The following KIAA0586 variants were observed in gnomAD, a reference collection of about 807,000 sequenced individuals.
The protein encoded by KIAA0586 is KIAA0586.
KIAA0586 carries 144 observed loss-of-function variants against 169.8 expected under a neutral mutation model. That is an observed-to-expected ratio of 0.85 (90% CI 0.74 to 0.97). KIAA0586 has a LOEUF of 0.97. Ranked by LOEUF, KIAA0586 falls within the 50% of genes least tolerant of loss-of-function variation. The probability of loss-of-function intolerance (pLI) is 0.00; values close to 1 mark genes in which losing one functional copy is unlikely to be tolerated. For synonymous variants in KIAA0586, 625 were observed against 612.4 expected (o/e 1.02, Z -0.30); for missense variants, 1,854 against 1,823.0 (o/e 1.02, Z -0.31).
intron 4 of KIAA0586, among the ~76,000 whole-genome samples, chr14:58,438,018 T>C (rs928327575): frequency 2.0e-4 from 30 of 152,196 alleles, no homozygotes; most frequent in Non-Finnish European, 4.4e-4. Context: ...TGTGATATGC[T>C]GCTCCGAGGT....
At chr14:58,521,389 A>C in intron 29 of KIAA0586, 1 of 921,040 alleles carries the variant, frequency 1.1e-6, no homozygotes, top group Non-Finnish European at 1.8e-6. Context: ...GCCTTTGTTT[A>C]GTATGTTAAT....
chr14:58,526,789 A>G (rs980901734), intron 29 of KIAA0586, among the ~76,000 whole-genome samples: 1 of 152,170 alleles, frequency 6.6e-6, no homozygotes, highest in Non-Finnish European at 1.5e-5. Flanking sequence ...AACCCTTTCT[A>G]TTCCTTCAAA....
chr14:58,429,263 C>T (rs2037157902), intron 1 of KIAA0586, 100 bp from the exon 2 acceptor site: 3 of 657,768 alleles, frequency 4.6e-6, no homozygotes, highest in Non-Finnish European at 8.1e-6. Context: ...CCAACTTCTG[C>T]GTTATATGGA....
At chr14:58,472,315 C>T (rs2041284012) in intron 18 of KIAA0586, 36 bp downstream of exon 18, 1 of 1,239,564 alleles carries the variant, frequency 8.1e-7, no homozygotes, top group South Asian at 1.5e-5. Flanking sequence ...AATTATTTTT[C>T]TACCGGTATT....
At chr14:58,512,408 A>G (rs2044454761) in intron 28 of KIAA0586, 114 bp from the exon 29 acceptor site, 2 of 580,556 alleles carry the variant, frequency 3.4e-6, no homozygotes, top group East Asian at 3.4e-5. Flanking sequence ...ATAAAAAGCA[A>G]CTAGAAAGCA....
the KIAA0586 span, among the ~76,000 whole-genome samples, chr14:58,558,880 T>C: frequency 4.6e-5 from 7 of 152,360 alleles, no homozygotes; most frequent in South Asian, 1.4e-3. Flanking sequence ...ATAGAATGGA[T>C]TGGCCCCTGA....
At chr14:58,431,251 G>GTAT (rs2037339969) in intron 3 of KIAA0586, among the ~76,000 whole-genome samples, 1 of 152,102 alleles carries the variant, frequency 6.6e-6, no homozygotes, top group South Asian at 2.1e-4. Flanking sequence ...CAGAGGTTTA[G>GTAT]TATTAGATAT....
rs2042606076 is a variant in KIAA0586, at chr14:58,488,229, T to C, written c.3527+120T>C. 4 of 794,092 alleles carry C rather than the reference T, an allele frequency of 5.0e-6. No homozygotes were observed. In the South Asian group the frequency reaches 8.5e-5, roughly 17 times the overall value. 49.2% of individuals were successfully genotyped at this position (794,092 alleles called of 1,614,324 possible). On this transcript the variant is annotated intron_variant, in intron 23 of 30. Transcript: ENST00000652326. ...ATAAACCACAGACTACCTTATACTT[T>C]GAAAGAAAGAACTTTCATAAGTGTT...
chr14:58,442,924 T>C (rs1181324464), intron 5 of KIAA0586, 44 bp downstream of exon 5: 1 of 1,374,910 alleles, frequency 7.3e-7, no homozygotes, highest in South Asian at 1.3e-5. Context: ...TTGTGAAATA[T>C]AGAAGTACTT....
intron 26 of KIAA0586, among the ~76,000 whole-genome samples, chr14:58,497,593 G>A (rs2043246595): frequency 6.6e-6 from 1 of 151,460 alleles, no homozygotes; most frequent in Non-Finnish European, 1.5e-5. Flanking sequence ...TCAAACTCCT[G>A]ACCTTGCGAT....
At chr14:58,433,961 T>A (rs2037594440) in intron 4 of KIAA0586, among the ~76,000 whole-genome samples, 1 of 152,134 alleles carries the variant, frequency 6.6e-6, no homozygotes, top group Non-Finnish European at 1.5e-5. Flanking sequence ...TTCATGCCAC[T>A]GCACTCCAGC....
chr14:58,489,024 T>G, intron 24 of KIAA0586, 150 bp downstream of exon 24: 1 of 785,944 alleles, frequency 1.3e-6, no homozygotes, highest in Non-Finnish European at 2.0e-6. Context: ...TTAGTTAACT[T>G]TTCTGGGTCT....
intron 14 of KIAA0586, among the ~76,000 whole-genome samples, chr14:58,465,332 A>G (rs2040664402): frequency 6.6e-6 from 1 of 152,254 alleles, no homozygotes; most frequent in Non-Finnish European, 1.5e-5. Context: ...AATGAAAATC[A>G]TCAATTCCAA....
chr14:58,547,086 G>A (rs562746546), intron 30 of KIAA0586, among the ~76,000 whole-genome samples: 9 of 151,582 alleles, frequency 5.9e-5, no homozygotes, highest in African/African-American at 2.2e-4. Context: ...AGGAATAGGA[G>A]GAAGAGCAAA....
At chr14:58,508,819 T>G in intron 28 of KIAA0586, 110 bp downstream of exon 28, 1 of 752,380 alleles carries the variant, frequency 1.3e-6, no homozygotes, top group Non-Finnish European at 2.1e-6. Context: ...TAGCTTCAAA[T>G]CATGCCTCCT....
intron 24 of KIAA0586, among the ~76,000 whole-genome samples, chr14:58,489,310 C>G (rs755475340): frequency 2.0e-5 from 3 of 149,134 alleles, no homozygotes. Flanking sequence ...GCCTCAACTT[C>G]CTGGGCTCAA....
chr14:58,432,906 G>C (rs1254558981), intron 4 of KIAA0586, among the ~76,000 whole-genome samples: 1 of 151,956 alleles, frequency 6.6e-6, no homozygotes, highest in East Asian at 1.9e-4. Flanking sequence ...TGTAGAGATG[G>C]GGTTTCACTA....
At chr14:58,473,918 AAAAGT>A (rs912753881) in intron 18 of KIAA0586, among the ~76,000 whole-genome samples, 13 of 152,218 alleles carry the variant, frequency 8.5e-5, no homozygotes, top group Admixed American at 5.9e-4. Context: ...AAGAAAAAAA[AAAAGT>A]AAAGAGATTT....
the KIAA0586 span, among the ~76,000 whole-genome samples, chr14:58,561,978 A>G: frequency 2.0e-5 from 3 of 152,314 alleles, no homozygotes; most frequent in South Asian, 2.1e-4. Flanking sequence ...AGGGACTCCA[A>G]CTTTCCTTGG....
Sources: gnomAD v4.1 joint callset for allele counts (sites outside exome capture counted in the v4.1 genomes callset) on GRCh38, gnomAD v4.1.1 for gene constraint, MANE v1.5 for transcripts, NCBI Gene and HGNC (gene_info 2026-07-23, HGNC 2026-07-21) for gene names.